LUC7L2: variants seen among roughly 807,000 people sequenced by gnomAD.
LUC7L2 encodes the protein LUC7 like 2, pre-mRNA splicing factor.
A neutral mutation model predicts 52.8 loss-of-function variants in LUC7L2; 25 were observed. The observed-to-expected ratio is 0.47, with a 90% CI of 0.34 to 0.66. LUC7L2 has a LOEUF of 0.66. Among genes scored for constraint, LUC7L2 ranks in the 30% least tolerant of loss-of-function variants. The probability of loss-of-function intolerance (pLI) is 0.01; values close to 1 mark genes in which losing one functional copy is unlikely to be tolerated. For synonymous variants in LUC7L2, 144 were observed against 160.9 expected, an observed-to-expected ratio of 0.89 and a Z score of 0.80; for missense variants, 328 against 497.8, an observed-to-expected ratio of 0.66 and a Z score of 3.25.
In LUC7L2 at chr7:139,417,686, C is replaced by T. The variant is rs779915651; in HGVS notation, c.958C>T (p.Arg320Trp). 8.1e-6 allele frequency: 13 copies of T among 1,613,948 alleles called. No individual in the cohort carries two copies. Among genetic ancestry groups the T allele is most frequent in the Admixed American group, 1.7e-5 (1 of 59,988 alleles). ...RSRSRSHQRS[R>W]HSSRDRSRER... ...CCGCAGCCGTAGCCACCAGAGAAGT[C>T]GGCACAGTTCTAGAGATAGGAGCAG... is the stretch of plus-strand genomic sequence containing the variant. The change falls in exon 9 of 10, where the codon CGG becomes TGG. Residue 320 changes from arginine to tryptophan, a missense_variant. Arg to Trp is a moderately radical substitution (Grantham distance 101). Around this residue, in one of 2 missense-constraint regions of LUC7L2, gnomAD observed 195 missense variants for 223.3 expected, o/e 0.87. Coordinates refer to ENST00000354926, the MANE Select transcript of LUC7L2 (RefSeq NM_016019.5).
intron 2 of LUC7L2, among the ~76,000 whole-genome samples, chr7:139,378,545 A>C (rs1438744590): frequency 6.6e-6 from 1 of 151,630 alleles, no homozygotes. Flanking sequence ...AGTGTACTCT[A>C]CCCTGGGCAA....
At chr7:139,375,112 CTAA>C in intron 1 of LUC7L2, 1 of 984,044 alleles carries the variant, frequency 1.0e-6, no homozygotes, top group Non-Finnish European at 1.2e-6. Flanking sequence ...AGGAAACATC[CTAA>C]TGAGTTTTTT....
At chr7:139,354,789 T>G (rs1254108163) in intron 1 of LUC7L2, among the ~76,000 whole-genome samples, 3 of 152,112 alleles carry the variant, frequency 2.0e-5, no homozygotes, top group African/African-American at 7.2e-5. Context: ...CACACCCACT[T>G]TAAGCTAGGA....
rs567365061 is a variant in LUC7L2 at position 139,411,854 on chromosome 7, C to T, written c.780-697C>T. On this transcript the variant is annotated intron_variant, in intron 7 of 9. Coordinates refer to ENST00000354926, the MANE Select transcript of LUC7L2 (RefSeq NM_016019.5). ...GACCATAGAAATTTCACTCTTTTCCCAGAAGGGAAAAAAGAAATGACAGAT... is the reference window on the plus strand; with the variant it reads ...GACCATAGAAATTTCACTCTTTTCCTAGAAGGGAAAAAAGAAATGACAGAT... 6.6e-5 allele frequency among the ~76,000 whole-genome samples: 10 copies of T among 151,944 alleles called. No individual in the cohort carries two copies. In the South Asian group the frequency reaches 2.1e-3, roughly 32 times the overall value.
chr7:139,369,719 A>G (rs1258739265), intron 1 of LUC7L2, among the ~76,000 whole-genome samples: 10 of 152,044 alleles, frequency 6.6e-5, no homozygotes, highest in Non-Finnish European at 1.5e-5. Context: ...TTAATCTTTG[A>G]TCATATCCAG....
At chr7:139,409,695 T>C in intron 7 of LUC7L2, 41 bp downstream of exon 7, 1 of 1,542,770 alleles carries the variant, frequency 6.5e-7, no homozygotes, top group Non-Finnish European at 8.7e-7. Context: ...TGAATCTCTG[T>C]GGTTCTAAAA....
chr7:139,346,241 C>CA (rs564493279), intron 1 of LUC7L2: 32,611 of 123,846 alleles, frequency 0.26, 3,908 homozygotes, highest in Middle Eastern at 0.35. Flanking sequence ...AACTCTGTCT[C>CA]AAAAAAAAAA....
intron 1 of LUC7L2, among the ~76,000 whole-genome samples, chr7:139,369,325 C>A (rs1156472757): frequency 6.6e-6 from 1 of 152,122 alleles, no homozygotes; most frequent in Admixed American, 6.5e-5. Context: ...TTCTATATAA[C>A]CTATTTTAGG....
intron 1 of LUC7L2, chr7:139,375,119 G>GT (rs1401125834): frequency 2.0e-6 from 2 of 984,024 alleles, no homozygotes. Context: ...ATCCTAATGA[G>GT]TTTTTTCTTT....
upstream of LUC7L2, chr7:139,359,488 G>T (rs1322274495): frequency 4.8e-6 from 1 of 208,226 alleles, no homozygotes; most frequent in Non-Finnish European, 9.5e-6. Context: ...CGGGGCGGGC[G>T]TTCGCCCCGA....
chr7:139,360,352 G>T (rs1410456772), intron 1 of LUC7L2, 30 bp downstream of exon 1: 9 of 1,544,628 alleles, frequency 5.8e-6, no homozygotes, highest in Non-Finnish European at 7.9e-6. Context: ...CTGGGGGTGG[G>T]GGAGGGGACG....
At chr7:139,390,755 A>G (rs185964901) in intron 2 of LUC7L2, among the ~76,000 whole-genome samples, 4 of 150,534 alleles carry the variant, frequency 2.7e-5, no homozygotes, top group Admixed American at 2.0e-4. Context: ...ACGGGATTTC[A>G]CCGTGTTAGC....
chr7:139,413,820 A>G (rs6974099), intron 8 of LUC7L2, among the ~76,000 whole-genome samples: 1 of 151,950 alleles, frequency 6.6e-6, no homozygotes, highest in Non-Finnish European at 1.5e-5. Context: ...AGCAACATCT[A>G]TCAATGATAT....
chr7:139,385,416 G>T (rs1452517325), intron 2 of LUC7L2, among the ~76,000 whole-genome samples: 2 of 150,682 alleles, frequency 1.3e-5, no homozygotes, highest in Non-Finnish European at 1.5e-5. Context: ...TGAACTCCAG[G>T]GTTCAAGTGA....
At chr7:139,420,758 A>G (rs1795864681) in intron 9 of LUC7L2, among the ~76,000 whole-genome samples, 1 of 152,016 alleles carries the variant, frequency 6.6e-6, no homozygotes, top group Non-Finnish European at 1.5e-5. Context: ...AAGGCTATGG[A>G]TAGGACTAGT....
chr7:139,389,036 C>G (rs1585104606), intron 2 of LUC7L2, among the ~76,000 whole-genome samples: 1 of 147,190 alleles, frequency 6.8e-6, no homozygotes, highest in African/African-American at 2.7e-5. Flanking sequence ...AGAGACACTT[C>G]ACATTTTTTA....
chr7:139,377,213 A>G (rs139064842), intron 2 of LUC7L2, among the ~76,000 whole-genome samples: 15 of 152,100 alleles, frequency 9.9e-5, no homozygotes, highest in Non-Finnish European at 1.6e-4. Flanking sequence ...TTATTTATTT[A>G]TTTTTTCTGA....
chr7:139,399,686 G>A (rs1794817514), intron 3 of LUC7L2, among the ~76,000 whole-genome samples: 1 of 151,730 alleles, frequency 6.6e-6, no homozygotes, highest in South Asian at 2.1e-4. Context: ...AGCTAGGATG[G>A]TCTTGATCTC....
intron 1 of LUC7L2, among the ~76,000 whole-genome samples, chr7:139,370,840 C>T (rs1004890036): frequency 6.6e-6 from 1 of 152,034 alleles, no homozygotes; most frequent in African/African-American, 2.4e-5. Flanking sequence ...TATACAGTTC[C>T]CACATTATTA....
Sources: allele counts gnomAD v4.1 joint callset (sites outside exome capture counted in the v4.1 genomes callset), GRCh38; gene constraint gnomAD v4.1.1; regional missense constraint gnomAD v4.1.1; transcripts MANE v1.5; gene names NCBI Gene and HGNC (gene_info 2026-07-23, HGNC 2026-07-21).